The following DCUN1D4 variants were observed in gnomAD, a reference collection of about 807,000 sequenced individuals.
The protein encoded by DCUN1D4 is DCN1-like protein 4.
DCUN1D4 carries 22 observed loss-of-function variants against 47.9 expected under a neutral mutation model. The observed-to-expected ratio is 0.46, with a 90% CI of 0.33 to 0.66. The LOEUF (loss-of-function observed/expected upper bound fraction) is 0.66, where lower values mean the gene tolerates loss of function less well. Among genes scored for constraint, DCUN1D4 ranks in the 30% least tolerant of loss-of-function variants. The pLI, the probability that DCUN1D4 is intolerant of heterozygous loss-of-function variation, is 0.02. For synonymous variants in DCUN1D4, 121 were observed against 112.2 expected (o/e 1.08, Z -0.50); for missense variants, 301 against 340.8 (o/e 0.88, Z 0.92).
intron 5 of DCUN1D4, among the ~76,000 whole-genome samples, chr4:51,885,466 C>G (rs146620072): frequency 6.6e-6 from 1 of 152,110 alleles, no homozygotes; most frequent in Non-Finnish European, 1.5e-5. Flanking sequence ...GGCCTGATAT[C>G]GAGAGACATT....
chr4:51,878,001 T>A (rs1452554881), intron 5 of DCUN1D4, 147 bp downstream of exon 5: 10 of 445,730 alleles, frequency 2.2e-5, no homozygotes, highest in Non-Finnish European at 2.4e-5. Context: ...GGGACATAGC[T>A]GTAACAAATC....
intron 1 of DCUN1D4, among the ~76,000 whole-genome samples, chr4:51,859,933 A>G (rs1485247224): frequency 2.6e-5 from 4 of 152,118 alleles, no homozygotes; most frequent in Non-Finnish European, 5.9e-5. Context: ...TTTATCAATC[A>G]GTGCTTTCCA....
At chr4:51,906,347 C>T (rs980472875) in intron 8 of DCUN1D4, among the ~76,000 whole-genome samples, 3 of 152,196 alleles carry the variant, frequency 2.0e-5, no homozygotes, top group African/African-American at 7.2e-5. Flanking sequence ...AGGGATGTTA[C>T]TCATAGAATT....
chr4:51,879,414 C>T (rs973834756), intron 5 of DCUN1D4, among the ~76,000 whole-genome samples: 1 of 152,170 alleles, frequency 6.6e-6, no homozygotes, highest in African/African-American at 2.4e-5. Context: ...CCAGACCAGC[C>T]TGGGCAACAC....
At chr4:51,901,930 A>G (rs1284233823) in intron 8 of DCUN1D4, among the ~76,000 whole-genome samples, 1 of 152,202 alleles carries the variant, frequency 6.6e-6, no homozygotes, top group African/African-American at 2.4e-5. Context: ...TTTTTTAATG[A>G]ATCCTGTTCT....
At chr4:51,885,451 A>G (rs1292660301) in intron 5 of DCUN1D4, among the ~76,000 whole-genome samples, 1 of 152,232 alleles carries the variant, frequency 6.6e-6, no homozygotes, top group African/African-American at 2.4e-5. Context: ...ACAGGAGGAT[A>G]AGCAGGCCTG....
At chr4:51,866,622 C>T (rs1483153697) in intron 3 of DCUN1D4, among the ~76,000 whole-genome samples, 7 of 152,120 alleles carry the variant, frequency 4.6e-5, no homozygotes, top group African/African-American at 1.7e-4. Context: ...TTTTAGCCAC[C>T]ACTAATAATG....
Position 51,874,358 on chromosome 4 carries a change from T to A in DCUN1D4, c.224T>A (p.Leu75Ter). 6.2e-7 allele frequency: 1 copy of A among 1,613,660 alleles called. No individual in the cohort carries two copies. The highest frequency in any genetic ancestry group is 8.5e-7 in the Non-Finnish European group (1 of 1,179,754). The change falls in exon 4 of 11, where the codon TTA becomes TAA. Residue 75 changes from leucine (L) to a stop codon, truncating the protein, a stop_gained. Transcript: ENST00000334635. LOFTEE classifies it high-confidence loss of function. ...AGAAGACCTGCCTCTGGAGATGATTTATCTGCCAAGAAAAGTAGACATGAT... is the reference window on the plus strand; with the variant it reads ...AGAAGACCTGCCTCTGGAGATGATTAATCTGCCAAGAAAAGTAGACATGAT... ...KKRRPASGDD[L>*]SAKKSRHDSM...
At chr4:51,860,668 G>GA (rs1179376604) in intron 1 of DCUN1D4, 1 of 454,788 alleles carries the variant, frequency 2.2e-6, no homozygotes, top group Non-Finnish European at 4.4e-6. Flanking sequence ...GAAAGGGTGA[G>GA]AGGAGGTGCC....
chr4:51,886,931 C>A, intron 6 of DCUN1D4: 1 of 421,100 alleles, frequency 2.4e-6, no homozygotes, highest in South Asian at 2.1e-5. Context: ...AATGACGGAT[C>A]AACTGGAGGC....
intron 3 of DCUN1D4, chr4:51,865,603 A>G (rs1470256459): frequency 6.6e-6 from 1 of 152,294 alleles, no homozygotes; most frequent in Non-Finnish European, 1.5e-5. Context: ...ATTTGTATGC[A>G]TGCATATATG....
At chr4:51,838,404 C>T (rs1025496060), upstream of DCUN1D4, among the ~76,000 whole-genome samples, 2 of 152,006 alleles carry the variant, frequency 1.3e-5, no homozygotes, top group African/African-American at 4.8e-5. Context: ...TTATTTGAGG[C>T]AGGGTCTCAT....
rs1361269470 is a variant in DCUN1D4, at chr4:51,909,447, T to C, written c.616-1623T>C. On this transcript the variant is annotated intron_variant, in intron 8 of 10. Transcript: ENST00000334635. ...CTGTTGCCGTCTGCCACACCTGTGT[T>C]ACAGGGTAAGAGGAAGTTTTCCATT... 4 of 159,100 alleles carry C rather than the reference T, an allele frequency of 2.5e-5. No homozygotes were observed. The East Asian group carries it at 5.4e-4, about 21-fold the overall frequency. The allele number at this position is 159,100 out of a possible 1,614,324, so 9.9% of individuals were successfully genotyped here.
intron 8 of DCUN1D4, among the ~76,000 whole-genome samples, chr4:51,903,748 C>A (rs940127598): frequency 2.6e-5 from 4 of 152,080 alleles, no homozygotes; most frequent in Non-Finnish European, 2.9e-5. Context: ...TTAATCTTTT[C>A]TTTTGCAGTG....
chr4:51,858,082 G>C (rs932528145), intron 1 of DCUN1D4, among the ~76,000 whole-genome samples: 1 of 152,146 alleles, frequency 6.6e-6, no homozygotes, highest in South Asian at 2.1e-4. Flanking sequence ...TGAAGATGGG[G>C]CTCTGTTGGT....
chr4:51,883,070 T>C (rs759219615), intron 5 of DCUN1D4, among the ~76,000 whole-genome samples: 2 of 152,180 alleles, frequency 1.3e-5, no homozygotes, highest in African/African-American at 2.4e-5. Flanking sequence ...TCAACACACA[T>C]ATGTACACTT....
At chr4:51,883,077 A>C (rs1002527943) in intron 5 of DCUN1D4, among the ~76,000 whole-genome samples, 1 of 152,242 alleles carries the variant, frequency 6.6e-6, no homozygotes, top group Non-Finnish European at 1.5e-5. Flanking sequence ...ACATATGTAC[A>C]CTTACAATGG....
At chr4:51,845,793 A>G (rs531056940) in intron 1 of DCUN1D4, among the ~76,000 whole-genome samples, 37 of 152,376 alleles carry the variant, frequency 2.4e-4, no homozygotes, top group Admixed American at 5.2e-4. Flanking sequence ...TTACAAACAT[A>G]CTGAACTTGG....
At chr4:51,910,786 C>A in intron 8 of DCUN1D4, 1 of 413,356 alleles carries the variant, frequency 2.4e-6, no homozygotes, top group Non-Finnish European at 4.3e-6. Context: ...CCATGAAAAG[C>A]CTGTAGAAAC....
Sources: gnomAD v4.1 joint callset for allele counts (sites outside exome capture counted in the v4.1 genomes callset) on GRCh38, gnomAD v4.1.1 for gene constraint, MANE v1.5 for transcripts, NCBI Gene and HGNC (gene_info 2026-07-23, HGNC 2026-07-21) for gene names.